The following DNAH10 variants were observed in gnomAD, a reference collection of about 807,000 sequenced individuals.
DNAH10 encodes the protein dynein axonemal heavy chain 10.
In DNAH10, 348 loss-of-function variants were observed where a neutral mutation model predicts 506.6. The ratio of observed to expected loss-of-function variants is 0.69; its 90% CI spans 0.63 to 0.75. The LOEUF is 0.75. DNAH10 is among the 30% of genes least tolerant of loss of function. The pLI is 0.00. For missense variants in DNAH10, 5,179 were observed against 5,787.1 expected, an observed-to-expected ratio of 0.89 and a Z score of 3.41; for synonymous variants, 2,059 against 2,198.6, an observed-to-expected ratio of 0.94 and a Z score of 1.78.
At chr12:123,923,984 C>T (rs1199973175) in intron 66 of DNAH10, 117 bp downstream of exon 66, 3 of 813,394 alleles carry the variant, frequency 3.7e-6, no homozygotes, top group Non-Finnish European at 5.7e-6. Flanking sequence ...TGGCTTCCAA[C>T]AGCACTGCAT....
At chr12:123,802,866 T>G (rs1958526523) in intron 16 of DNAH10, among the ~76,000 whole-genome samples, 1 of 152,144 alleles carries the variant, frequency 6.6e-6, no homozygotes. Flanking sequence ...GTCATGTGTA[T>G]GGCCTCTTCA....
intron 19 of DNAH10, among the ~76,000 whole-genome samples, chr12:123,811,286 A>G (rs1443443502): frequency 1.3e-5 from 2 of 152,044 alleles, no homozygotes; most frequent in Non-Finnish European, 2.9e-5. Context: ...TTTGGCAATC[A>G]GTAGCTCTGA....
intron 17 of DNAH10, among the ~76,000 whole-genome samples, chr12:123,804,045 A>G (rs1229187374): frequency 6.6e-6 from 1 of 152,028 alleles, no homozygotes; most frequent in African/African-American, 2.4e-5. Flanking sequence ...TAACAAATTC[A>G]TGTTTATTTG....
In DNAH10 at chr12:123,835,641, T is replaced by C. The variant is rs190443492; in HGVS notation, c.4902+113T>C. ...CATTAGTAGCTTCTCTCTCATTTTTTAGAGACAGGGTTTTGCTCTGTTGCC... is the reference window on the plus strand; with the variant it reads ...CATTAGTAGCTTCTCTCTCATTTTTCAGAGACAGGGTTTTGCTCTGTTGCC... On this transcript the variant is annotated intron_variant, in intron 28 of 78. Transcript: ENST00000673944. 2.1e-6 allele frequency: 3 copies of C among 1,429,454 alleles called. No individual in the cohort carries two copies. The East Asian group carries it at 7.5e-5, about 36-fold the overall frequency. The allele number at this position is 1,429,454 out of a possible 1,614,324, so 88.5% of individuals were successfully genotyped here.
rs1404390114 is a variant in DNAH10 at position 123,853,677 on chromosome 12, AGTT to A, written c.6438+329_6438+331del. Among the ~76,000 whole-genome samples, 2 of 152,150 alleles carry A rather than the reference AGTT, an allele frequency of 1.3e-5. No individual in the cohort carries two copies. The highest frequency in any genetic ancestry group is 2.4e-5 in the African/African-American group (1 of 41,424). ...AAATTCTCATGAAAGCATGAAGGTGAGTTGTTATTTTCTCTTTGAAACAAAAGA... is the reference window on the plus strand; with the variant it reads ...AAATTCTCATGAAAGCATGAAGGTGAGTTATTTTCTCTTTGAAACAAAAGA... On this transcript the variant is annotated intron_variant, in intron 36 of 78. Coordinates refer to ENST00000673944, the MANE Select transcript of DNAH10 (RefSeq NM_001372106.1). The surrounding 1 kb of genome is among the most constrained non-coding windows in gnomAD (Gnocchi z 4.7).
At chr12:123,912,491 T>TG (rs1211335545) in intron 59 of DNAH10, among the ~76,000 whole-genome samples, 9 of 41,698 alleles carry the variant, frequency 2.2e-4, no homozygotes, top group African/African-American at 4.8e-4. Flanking sequence ...GGGTCTGTCC[T>TG]GGGGGGGTCT....
At chr12:123,871,652 C>T in intron 45 of DNAH10, 50 bp downstream of exon 45, 2 of 1,523,338 alleles carry the variant, frequency 1.3e-6, no homozygotes, top group South Asian at 1.2e-5. Flanking sequence ...CAAATTATTC[C>T]AGTGCATAGC....
chr12:123,890,169 T>A (rs10846569), intron 52 of DNAH10, among the ~76,000 whole-genome samples: 65 of 152,092 alleles, frequency 4.3e-4, no homozygotes, highest in Non-Finnish European at 6.8e-4. Context: ...GGTGGAGGGG[T>A]TCTATGGCGT....
chr12:123,767,812 A>G, intron 2 of DNAH10, 123 bp downstream of exon 2: 1 of 809,162 alleles, frequency 1.2e-6, no homozygotes. Flanking sequence ...CACAAAGAGA[A>G]AGTGCTGGGT....
chr12:123,839,341 C>T (rs1165246372), intron 29 of DNAH10, among the ~76,000 whole-genome samples: 1 of 152,102 alleles, frequency 6.6e-6, no homozygotes, highest in Non-Finnish European at 1.5e-5. Context: ...CAAATCTTTG[C>T]TCTATTCTGA....
At chr12:123,814,609 ATTTTTT>A (rs1214217837) in intron 21 of DNAH10, among the ~76,000 whole-genome samples, 20 of 121,172 alleles carry the variant, frequency 1.7e-4, no homozygotes, top group South Asian at 2.6e-4. Flanking sequence ...GGCCAGGTAG[ATTTTTT>A]TTTTTTTTTT....
At position 123,772,959 on chromosome 12, in the gene DNAH10, T is replaced by C; in HGVS notation, c.505+17T>C. 6.5e-7 allele frequency: 1 copy of C among 1,527,782 alleles called. No homozygotes were observed. Among genetic ancestry groups the C allele is most frequent in the Non-Finnish European group, 9.0e-7 (1 of 1,108,710 alleles). 94.6% of individuals were successfully genotyped at this position (1,527,782 alleles called of 1,614,324 possible). A position where few individuals can be genotyped will look rare whatever the true frequency, so the allele number is the denominator to read the frequency against. On this transcript the variant is annotated intron_variant, in intron 4 of 78. Transcript: ENST00000673944. ...ATACCAAAGGTACATTTCTGGCACGTGTGTGTGTATGTGTGTTGAGGGGGT... is the reference window on the plus strand; with the variant it reads ...ATACCAAAGGTACATTTCTGGCACGCGTGTGTGTATGTGTGTTGAGGGGGT...
intron 2 of DNAH10, among the ~76,000 whole-genome samples, 156 bp downstream of exon 2, chr12:123,767,845 T>C (rs1957105693): frequency 6.6e-6 from 1 of 152,120 alleles, no homozygotes; most frequent in African/African-American, 2.4e-5. Flanking sequence ...GATGTAGTAG[T>C]TTCCCACGGC....
intron 33 of DNAH10, 58 bp from the exon 34 acceptor site, chr12:123,848,672 G>A (rs937829836): frequency 1.2e-5 from 20 of 1,600,452 alleles, no homozygotes; most frequent in Non-Finnish European, 1.7e-5. Flanking sequence ...CCATAAATGT[G>A]TTGCTTGCAG....
intron 56 of DNAH10, 94 bp downstream of exon 56, chr12:123,898,908 G>C (rs1011728834): frequency 1.2e-5 from 17 of 1,444,802 alleles, no homozygotes; most frequent in Non-Finnish European, 1.3e-5. Context: ...ATCCCGAGCA[G>C]GACAGGGCTC....
intron 25 of DNAH10, 128 bp from the exon 26 acceptor site, chr12:123,830,418 C>G (rs1960417742): frequency 9.4e-7 from 1 of 1,058,364 alleles, no homozygotes; most frequent in Non-Finnish European, 1.3e-6. Flanking sequence ...CTAATGATGT[C>G]CTCATGTTGC....
At chr12:123,829,342 CA>C (rs148311304) in intron 25 of DNAH10, among the ~76,000 whole-genome samples, 2,514 of 152,230 alleles carry the variant, frequency 0.017, 70 homozygotes, top group African/African-American at 0.057. Flanking sequence ...TCAAAAAGGC[CA>C]CCTCTGGGGC....
At chr12:123,934,483 G>C in intron 77 of DNAH10, 138 bp from the exon 78 acceptor site, 3 of 1,044,940 alleles carry the variant, frequency 2.9e-6, no homozygotes, top group Non-Finnish European at 4.3e-6. Context: ...TGCTGGAGAA[G>C]GGCCTGGGCT....
At chr12:123,811,746 G>A (rs1013253508) in intron 19 of DNAH10, among the ~76,000 whole-genome samples, 2 of 151,872 alleles carry the variant, frequency 1.3e-5, no homozygotes, top group South Asian at 2.1e-4. Flanking sequence ...CTTGTGATCC[G>A]CCCACCTCGG....
Sources: allele counts gnomAD v4.1 joint callset (sites outside exome capture counted in the v4.1 genomes callset), GRCh38; gene constraint gnomAD v4.1.1; non-coding constraint Gnocchi (gnomAD v3.1); transcripts MANE v1.5; gene names NCBI Gene and HGNC (gene_info 2026-07-23, HGNC 2026-07-21).